Variants in PALM2AKAP2 observed in about 807,000 individuals in gnomAD.
The protein encoded by PALM2AKAP2 is PALM2 and AKAP2 fusion.
In PALM2AKAP2, 37 loss-of-function variants were observed where a neutral mutation model predicts 71.5. The ratio of observed to expected loss-of-function variants is 0.52; its 90% CI spans 0.40 to 0.68. The LOEUF (loss-of-function observed/expected upper bound fraction) is 0.68, where lower values mean the gene tolerates loss of function less well. Among genes scored for constraint, PALM2AKAP2 ranks in the 30% least tolerant of loss-of-function variants. The probability of loss-of-function intolerance (pLI) is 0.00; values close to 1 mark genes in which losing one functional copy is unlikely to be tolerated. For missense variants in PALM2AKAP2, 1,224 were observed against 1,191.8 expected, an observed-to-expected ratio of 1.03 and a Z score of -0.40; for synonymous variants, 468 against 478.8, an observed-to-expected ratio of 0.98 and a Z score of 0.29.
At chr9:110,083,835 T>C (rs1320775188) in intron 1 of PALM2AKAP2, among the ~76,000 whole-genome samples, 1 of 152,250 alleles carries the variant, frequency 6.6e-6, no homozygotes, top group Non-Finnish European at 1.5e-5. Context: ...ATCACACTCT[T>C]GTGAGGGTAG....
intron 3 of PALM2AKAP2, among the ~76,000 whole-genome samples, chr9:109,913,718 A>G (rs1830622262): frequency 6.6e-6 from 1 of 151,444 alleles, no homozygotes; most frequent in Admixed American, 6.6e-5. Flanking sequence ...AGGAACAGAG[A>G]CCCACAATAA....
At chr9:109,826,132 C>T (rs1374400786) in intron 1 of PALM2AKAP2, among the ~76,000 whole-genome samples, 9 of 150,596 alleles carry the variant, frequency 6.0e-5, no homozygotes, top group Non-Finnish European at 1.3e-4. Flanking sequence ...CCAAACACCA[C>T]ATGTTCTCAC....
At chr9:109,916,423 T>C (rs1178537905) in intron 3 of PALM2AKAP2, among the ~76,000 whole-genome samples, 2 of 151,980 alleles carry the variant, frequency 1.3e-5, no homozygotes, top group African/African-American at 2.4e-5. Flanking sequence ...GAGTGAGCCA[T>C]TGGGAGTGGG....
chr9:109,924,155 A>G (rs1043090443), intron 4 of PALM2AKAP2, among the ~76,000 whole-genome samples: 1 of 152,208 alleles, frequency 6.6e-6, no homozygotes, highest in Admixed American at 6.5e-5. Context: ...ATTGGACTCT[A>G]GAATTCTAAA....
intron 1 of PALM2AKAP2, among the ~76,000 whole-genome samples, chr9:109,863,330 C>T (rs1157464158): frequency 1.3e-5 from 2 of 152,168 alleles, no homozygotes; most frequent in Admixed American, 6.5e-5. Context: ...ATGACTTGGT[C>T]TTTCAAGAAA....
At chr9:110,166,244 C>T (rs1463027146) in intron 3 of PALM2AKAP2, among the ~76,000 whole-genome samples, 1 of 152,142 alleles carries the variant, frequency 6.6e-6, no homozygotes, top group Non-Finnish European at 1.5e-5. Context: ...TTATGATCCC[C>T]ATTTTACATG....
intron 1 of PALM2AKAP2, among the ~76,000 whole-genome samples, chr9:110,098,560 C>G (rs1834917650): frequency 6.6e-6 from 1 of 152,202 alleles, no homozygotes; most frequent in African/African-American, 2.4e-5. Flanking sequence ...CTGGACACAG[C>G]TCTTTTAAAC....
chr9:109,987,791 C>T (rs1832408505), intron 6 of PALM2AKAP2, among the ~76,000 whole-genome samples: 1 of 152,172 alleles, frequency 6.6e-6, no homozygotes, highest in African/African-American at 2.4e-5. Flanking sequence ...GAAGGATGTC[C>T]TCATGGTCAC....
rs550355046 is a variant in PALM2AKAP2, at chr9:109,695,988, A to G, written c.5+55122A>G. Among the ~76,000 whole-genome samples, 6 of 152,308 alleles carry G rather than the reference A, an allele frequency of 3.9e-5. No individual in the cohort carries two copies. The South Asian group carries it at 8.3e-4, about 21-fold the overall frequency. ...ACTATAGTTCACCATAATTTATTGT[A>G]TATTTCCAAATAACTGGAAGAGAAG... is the stretch of plus-strand genomic sequence containing the variant. On this transcript the variant is annotated intron_variant, in intron 1 of 6. Transcript: ENST00000374531.
rs1450207346 is a variant in PALM2AKAP2, at chr9:109,642,466, T to C, written c.5+1600T>C. ...GTTGGTGCAACAGTAATTGCAGTTT[T>C]TGCCATTACTTTCAACGGCAAAAAC... On this transcript the variant is annotated intron_variant, in intron 1 of 6. Transcript: ENST00000374531. Among the ~76,000 whole-genome samples the C allele has an allele frequency of 1.3e-5, 2 of 149,472 alleles. 1 individual carries two copies. The highest frequency in any genetic ancestry group is 3.0e-5 in the Non-Finnish European group (2 of 67,186).
At chr9:109,857,118 G>A (rs760681078) in intron 1 of PALM2AKAP2, among the ~76,000 whole-genome samples, 13 of 152,102 alleles carry the variant, frequency 8.5e-5, no homozygotes, top group Non-Finnish European at 1.9e-4. Flanking sequence ...CCTAAGACAG[G>A]CCTATCAACC....
chr9:109,769,253 G>A (rs1028937212), intron 1 of PALM2AKAP2, among the ~76,000 whole-genome samples: 8 of 152,032 alleles, frequency 5.3e-5, no homozygotes, highest in Non-Finnish European at 1.0e-4. Context: ...GCAAATAAAC[G>A]TTTCCTCTGT....
chr9:110,023,305 C>CTTTTTTTTTTTTTTTTTTTTTTTTTTT (rs149672913), intron 7 of PALM2AKAP2, among the ~76,000 whole-genome samples: 1 of 74,046 alleles, frequency 1.4e-5, no homozygotes, highest in African/African-American at 6.2e-5. Flanking sequence ...ATTGTGGTTT[C>CTTTTTTTTTTTTTTTTTTTTTTTTTTT]TTTTTTTTTT....
chr9:109,651,991 T>G (rs1220117026), intron 1 of PALM2AKAP2, among the ~76,000 whole-genome samples: 3 of 152,206 alleles, frequency 2.0e-5, no homozygotes, highest in Non-Finnish European at 4.4e-5. Flanking sequence ...TGTGATAATT[T>G]AACCTATTAA....
chr9:110,040,494 A>G (rs897697709), intron 7 of PALM2AKAP2, among the ~76,000 whole-genome samples: 1 of 152,226 alleles, frequency 6.6e-6, no homozygotes, highest in African/African-American at 2.4e-5. Context: ...ACTACCGCAA[A>G]GACTATCTCT....
At chr9:109,911,836 C>A (rs1830575880) in intron 3 of PALM2AKAP2, among the ~76,000 whole-genome samples, 1 of 135,948 alleles carries the variant, frequency 7.4e-6, no homozygotes, top group Admixed American at 7.5e-5. Context: ...TCTTAATAAG[C>A]CTGCACTTGG....
At chr9:109,642,640 A>G (rs1300597924) in intron 1 of PALM2AKAP2, among the ~76,000 whole-genome samples, 3 of 151,344 alleles carry the variant, frequency 2.0e-5, no homozygotes, top group Non-Finnish European at 4.4e-5. Flanking sequence ...TCACTGCAGT[A>G]TTGACCTCCT....
exon 6 of PALM2AKAP2, chr9:109,932,020 G>C (rs771613841): frequency 6.2e-7 from 1 of 1,612,758 alleles, no homozygotes; most frequent in Admixed American, 1.7e-5. Flanking sequence ...GGGACCAGCA[G>C]AGCGGCTGGT....
At chr9:109,815,394 C>T (rs934268321) in intron 1 of PALM2AKAP2, among the ~76,000 whole-genome samples, 4 of 152,130 alleles carry the variant, frequency 2.6e-5, no homozygotes, top group African/African-American at 9.7e-5. Context: ...TTGGGGACTT[C>T]AGTAAATCTG....
Sources: allele counts gnomAD v4.1 joint callset (sites outside exome capture counted in the v4.1 genomes callset), GRCh38; gene constraint gnomAD v4.1.1; transcripts MANE v1.5; gene names NCBI Gene and HGNC (gene_info 2026-07-23, HGNC 2026-07-21).